The following AKAP13 variants were observed in gnomAD, a reference collection of about 807,000 sequenced individuals.
AKAP13 encodes A-kinase anchor protein 13.
A neutral mutation model predicts 264.5 loss-of-function variants in AKAP13; 80 were observed. That is an observed-to-expected ratio of 0.30 (90% confidence interval 0.25 to 0.36). AKAP13 has a LOEUF of 0.36. Among genes scored for constraint, AKAP13 ranks in the 10% least tolerant of loss-of-function variants. The pLI is 1.00. For synonymous variants in AKAP13, 1,380 were observed against 1,250.2 expected (o/e 1.10, Z -2.19); for missense variants, 3,712 against 3,435.2 (o/e 1.08, Z -2.01).
chr15:85,687,679 G>A (rs2085021771), intron 16 of AKAP13, among the ~76,000 whole-genome samples: 1 of 148,094 alleles, frequency 6.8e-6, no homozygotes, highest in South Asian at 2.1e-4. Flanking sequence ...ATAGTGAGGT[G>A]TTACTAGCTC....
chr15:85,502,953 AGT>A (rs1242405056), intron 2 of AKAP13, among the ~76,000 whole-genome samples: 4 of 152,224 alleles, frequency 2.6e-5, no homozygotes, highest in Non-Finnish European at 5.9e-5. Flanking sequence ...TTTGAGAAAT[AGT>A]GTGTTTTACT....
intron 1 of AKAP13, among the ~76,000 whole-genome samples, chr15:85,475,892 T>C (rs191984976): frequency 2.6e-5 from 4 of 152,264 alleles, no homozygotes; most frequent in South Asian, 2.1e-4. Flanking sequence ...CTAGCATTCA[T>C]TGGGGGCTCA....
rs758664442 is a variant in AKAP13, at chr15:85,581,239, T to C, written c.3171T>C (p.Leu1057=). 1 of 1,614,150 alleles carries C rather than the reference T, an allele frequency of 6.2e-7. No homozygotes were observed. The highest frequency in any genetic ancestry group is 1.1e-5 in the South Asian group (1 of 91,082). Residue 1057 remains leucine (L), a synonymous_variant, in exon 7 of 37, where the codon CTT becomes CTC. Transcript: ENST00000394518. ...ATGGGTCTGATGGGTCCGATGCTCT[T>C]AACTGCAGTCAGCCTTCTCCTCTGG... ...LPDGSDGSDA[L]NCSQPSPLDV... is the part of the protein sequence containing the mutation.
At chr15:85,473,849 A>G (rs546555322) in intron 1 of AKAP13, among the ~76,000 whole-genome samples, 2 of 152,360 alleles carry the variant, frequency 1.3e-5, no homozygotes, top group Admixed American at 1.3e-4. Flanking sequence ...TCTGTGCAGC[A>G]ATTTAGTGCA....
chr15:85,506,159 C>T (rs1051916273), intron 2 of AKAP13, among the ~76,000 whole-genome samples: 1 of 152,094 alleles, frequency 6.6e-6, no homozygotes, highest in Non-Finnish European at 1.5e-5. Context: ...AGCCGGGCAC[C>T]TGTAATCCCA....
intron 8 of AKAP13, among the ~76,000 whole-genome samples, chr15:85,618,464 T>TA (rs1223677749): frequency 6.9e-6 from 1 of 145,170 alleles, no homozygotes; most frequent in Non-Finnish European, 1.5e-5. Flanking sequence ...TTTTTTTTTT[T>TA]AATCCCTTTT....
chr15:85,463,364 T>C (rs1231909700), intron 1 of AKAP13, among the ~76,000 whole-genome samples: 1 of 152,228 alleles, frequency 6.6e-6, no homozygotes, highest in African/African-American at 2.4e-5. Flanking sequence ...TTCTTTCACA[T>C]TGAGCCTAAG....
At position 85,579,239 on chromosome 15, in the gene AKAP13, T is replaced by C; in HGVS notation, c.1171T>C (p.Ser391Pro). 6.2e-7 allele frequency: 1 copy of C among 1,614,216 alleles called. No individual in the cohort carries two copies. Among genetic ancestry groups the C allele is most frequent in the Non-Finnish European group, 8.5e-7 (1 of 1,180,038 alleles). The part of the protein sequence containing the change: ...EEVEPAPIVD[S>P]GTVSDQDSCL... ...GGTGGAGCCAGCACCTATTGTGGAC[T>C]CTGGAACTGTATCTGATCAAGACAG... is the stretch of plus-strand genomic sequence containing the variant. Residue 391 changes from serine (S) to proline (P), a missense_variant, in exon 7 of 37, where the codon TCT (serine) becomes CCT (proline). Physicochemically the swap from Ser to Pro is moderately conservative, Grantham distance 74 (BLOSUM62 -1). Around this residue, in one of 3 missense-constraint regions of AKAP13, gnomAD observed 2,759 missense variants for 2,411.7 expected, o/e 1.14. Transcript: ENST00000394518.
At chr15:85,401,990 G>C (rs541192042) in intron 1 of AKAP13, among the ~76,000 whole-genome samples, 6 of 152,354 alleles carry the variant, frequency 3.9e-5, no homozygotes, top group Non-Finnish European at 7.3e-5. Flanking sequence ...TTAGTGAACA[G>C]ACACTGGATT....
In AKAP13 at chr15:85,747,937, T is replaced by A. The variant is rs1234344119; in HGVS notation, c.*3260T>A. The A allele has an allele frequency of 6.5e-6, 1 of 153,114 alleles. No homozygotes were observed. The highest frequency in any genetic ancestry group is 1.9e-4 in the East Asian group (1 of 5,192). 9.5% of individuals were successfully genotyped at this position (153,114 alleles called of 1,614,324 possible). Reference sequence around the variant, plus strand: ...CAGTATTAGTCGTGAGCACAAAGTTTTGAGACCTTTGGCGTTGTTTCTTGA... The same window carrying A: ...CAGTATTAGTCGTGAGCACAAAGTTATGAGACCTTTGGCGTTGTTTCTTGA... On this transcript the variant is annotated 3_prime_UTR_variant, in exon 37 of 37. Transcript: ENST00000394518.
At chr15:85,607,018 C>T (rs556851188) in intron 8 of AKAP13, among the ~76,000 whole-genome samples, 2 of 151,652 alleles carry the variant, frequency 1.3e-5, no homozygotes, top group Non-Finnish European at 2.9e-5. Flanking sequence ...AAATATCTGT[C>T]GTTTCTTCTT....
At chr15:85,630,383 T>G (rs755524587) in intron 8 of AKAP13, among the ~76,000 whole-genome samples, 14 of 152,152 alleles carry the variant, frequency 9.2e-5, no homozygotes, top group Non-Finnish European at 1.9e-4. Context: ...CAATGTGGTG[T>G]TCCATTCACT....
At chr15:85,653,022 A>C (rs1328759668) in intron 10 of AKAP13, among the ~76,000 whole-genome samples, 1 of 152,184 alleles carries the variant, frequency 6.6e-6, no homozygotes, top group African/African-American at 2.4e-5. Context: ...TATTCAACCC[A>C]GTACAGTGAG....
chr15:85,446,625 G>A (rs2073906381), intron 1 of AKAP13, among the ~76,000 whole-genome samples: 1 of 152,050 alleles, frequency 6.6e-6, no homozygotes, highest in African/African-American at 2.4e-5. Context: ...TGTTGGATGC[G>A]AGGACAATCT....
chr15:85,742,514 G>A (rs975333918), intron 35 of AKAP13, among the ~76,000 whole-genome samples: 1 of 152,240 alleles, frequency 6.6e-6, no homozygotes, highest in Admixed American at 6.5e-5. Flanking sequence ...CACTCCTCTC[G>A]TGGATGGATG....
At chr15:85,705,579 C>T (rs2086184802) in intron 17 of AKAP13, among the ~76,000 whole-genome samples, 1 of 152,194 alleles carries the variant, frequency 6.6e-6, no homozygotes. Flanking sequence ...ATCCAAGGAA[C>T]TTTGAACGAC....
intron 5 of AKAP13, among the ~76,000 whole-genome samples, chr15:85,551,851 C>T (rs1302326159): frequency 6.6e-6 from 1 of 152,186 alleles, no homozygotes; most frequent in Non-Finnish European, 1.5e-5. Context: ...TTGATAGCAC[C>T]TTCTGCTCTT....
chr15:85,476,144 A>G (rs2075156627), intron 1 of AKAP13, among the ~76,000 whole-genome samples: 1 of 152,164 alleles, frequency 6.6e-6, no homozygotes, highest in African/African-American at 2.4e-5. Context: ...TGAGGACTGG[A>G]CTGAGCATGG....
chr15:85,668,619 C>T (rs1168776444), intron 13 of AKAP13, among the ~76,000 whole-genome samples: 4 of 152,284 alleles, frequency 2.6e-5, no homozygotes, highest in African/African-American at 9.6e-5. Flanking sequence ...GATCTTAAGA[C>T]ACTTTACTTG....
Sources: gnomAD v4.1 joint callset for allele counts (sites outside exome capture counted in the v4.1 genomes callset) on GRCh38, gnomAD v4.1.1 for gene constraint, gnomAD v4.1.1 regional missense constraint, MANE v1.5 for transcripts, NCBI Gene and HGNC (gene_info 2026-07-23, HGNC 2026-07-21) for gene names.